Variants in DCSTAMP observed in about 807,000 individuals in gnomAD.
DCSTAMP encodes dendritic cell-specific transmembrane protein.
Under a neutral mutation model 33.8 loss-of-function variants are expected in DCSTAMP, and 25 were observed. That is an observed-to-expected ratio of 0.74 (90% CI 0.54 to 1.03). The LOEUF is 1.03. Among genes scored for constraint, DCSTAMP ranks in the 50% least tolerant of loss-of-function variants. DCSTAMP has a pLI of 0.00. For synonymous variants in DCSTAMP, 245 were observed against 216.7 expected (o/e 1.13, Z -1.15); for missense variants, 531 against 556.8 (o/e 0.95, Z 0.47).
chr8:104,354,055 C>T (rs59442949), intron 2 of DCSTAMP, among the ~76,000 whole-genome samples: 7,925 of 152,234 alleles, frequency 0.052, 332 homozygotes, highest in African/African-American at 0.12. Flanking sequence ...GGCTCAATGT[C>T]ATCTCCTGCC....
At chr8:104,345,433 C>T (rs1195147981) in intron 1 of DCSTAMP, among the ~76,000 whole-genome samples, 1 of 152,134 alleles carries the variant, frequency 6.6e-6, no homozygotes, top group Non-Finnish European at 1.5e-5. Context: ...AGAGAAGATA[C>T]CTTCAGTCCT....
intron 2 of DCSTAMP, among the ~76,000 whole-genome samples, chr8:104,354,258 A>G (rs2140478585): frequency 6.6e-6 from 1 of 152,320 alleles, no homozygotes; most frequent in Non-Finnish European, 1.5e-5. Context: ...AATATAGTAC[A>G]CTAAATAAGA....
chr8:104,354,293 G>T (rs1274415505), intron 2 of DCSTAMP, among the ~76,000 whole-genome samples: 1 of 152,228 alleles, frequency 6.6e-6, no homozygotes, highest in East Asian at 1.9e-4. Context: ...GCTCCAGAAG[G>T]TAGATGTAGA....
intron 3 of DCSTAMP, among the ~76,000 whole-genome samples, chr8:104,355,669 A>G (rs1440567598): frequency 1.3e-5 from 2 of 152,226 alleles, no homozygotes; most frequent in African/African-American, 4.8e-5. Flanking sequence ...TGACTCATAC[A>G]TAAAATGGAC....
chr8:104,349,466 G>T lies in DCSTAMP; in HGVS notation c.914G>T (p.Cys305Phe). 1 of 1,614,170 alleles carries T rather than the reference G, an allele frequency of 6.2e-7. No individual in the cohort carries two copies. Among genetic ancestry groups the T allele is most frequent in the Non-Finnish European group, 8.5e-7 (1 of 1,180,044 alleles). ...LFFLPILIHL[C>F]IWVLFAAVDY... is the part of the protein sequence containing the mutation. ...TTCCTCCCCATACTTATCCATCTCTGCATCTGGGTGCTGTTTGCAGCTGTA... is the reference window on the plus strand; with the variant it reads ...TTCCTCCCCATACTTATCCATCTCTTCATCTGGGTGCTGTTTGCAGCTGTA... The change falls in exon 2 of 4, where the codon TGC becomes TTC. Residue 305 changes from cysteine to phenylalanine, a missense_variant. Cys to Phe is a radical substitution (Grantham distance 205). Transcript: ENST00000297581.
intron 2 of DCSTAMP, among the ~76,000 whole-genome samples, chr8:104,352,170 G>C (rs1416999260): frequency 6.6e-6 from 1 of 152,024 alleles, no homozygotes; most frequent in Non-Finnish European, 1.5e-5. Flanking sequence ...CTCTCTCAGG[G>C]CCTTAAATCC....
At chr8:104,344,468 A>G (rs889864752) in intron 1 of DCSTAMP, among the ~76,000 whole-genome samples, 2 of 152,184 alleles carry the variant, frequency 1.3e-5, no homozygotes, top group African/African-American at 4.8e-5. Flanking sequence ...CAGCACGCCC[A>G]GCATCACAGA....
Position 104,354,980 on chromosome 8 carries a change from T to G in DCSTAMP, c.1133T>G (p.Val378Gly), listed in dbSNP as rs3802205. Residue 378 changes from valine (V) to glycine (G), a missense_variant, in exon 3 of 4, where the codon GTT becomes GGT. Val to Gly is a moderately radical substitution (Grantham distance 109). Coordinates refer to ENST00000297581, the MANE Select transcript of DCSTAMP (RefSeq NM_030788.4). ...KPKFLLSETW[V>G]PLSVILLILV... ...AAATTCCTTCTATCTGAGACCTGGG[T>G]TCCTCTCAGTGTTATTCTTTTGATA... 1.9e-6 allele frequency: 3 copies of G among 1,613,892 alleles called. No individual in the cohort carries two copies. The highest frequency in any genetic ancestry group is 1.6e-4 in the Middle Eastern group (1 of 6,062).
At chr8:104,350,942 C>A (rs1003009365) in intron 2 of DCSTAMP, among the ~76,000 whole-genome samples, 1 of 152,096 alleles carries the variant, frequency 6.6e-6, no homozygotes, top group Non-Finnish European at 1.5e-5. Context: ...GATTGAGAAC[C>A]CCTGTTCTAA....
chr8:104,356,197 G>A lies in DCSTAMP; in HGVS notation c.1412G>A (p.Ter471=). The A allele has an allele frequency of 1.2e-6, 2 of 1,611,414 alleles. No homozygotes were observed. Among genetic ancestry groups the A allele is most frequent in the Non-Finnish European group, 1.7e-6 (2 of 1,178,830 alleles). ...QMDMASADKS[*] ...GACATGGCAAGTGCAGACAAGTCAT[G>A]AGAGACCCCGACTACTCCTCAGCCA... The change falls in exon 4 of 4, where the codon TGA becomes TAA. Residue 471 remains the stop codon, a stop_retained_variant. Transcript: ENST00000297581.
chr8:104,348,614 C>T lies in DCSTAMP; in HGVS notation c.62C>T (p.Pro21Leu). The T allele has an allele frequency of 6.2e-7, 1 of 1,614,138 alleles. No homozygotes were observed. Among genetic ancestry groups the T allele is most frequent in the Non-Finnish European group, 8.5e-7 (1 of 1,180,030 alleles). ...AGTCTTTGGGAGATTTACGTGTCTC[C>T]AAGAAGCCCCGGATGGATGGACTTT... ...FLSLWEIYVSPRSPGWMDFIQ... is the reference protein window; with the variant it reads ...FLSLWEIYVSLRSPGWMDFIQ... The change falls in exon 2 of 4, where the codon CCA becomes CTA. Residue 21 changes from proline to leucine, a missense_variant. By Grantham distance (98) the Pro-to-Leu change is moderately conservative (BLOSUM62 -3). Transcript: ENST00000297581.
In DCSTAMP at chr8:104,349,328, G is replaced by C. The variant is rs745726484; in HGVS notation, c.776G>C (p.Arg259Thr). The change falls in exon 2 of 4, where the codon AGA becomes ACA. Residue 259 changes from arginine to threonine, a missense_variant. Arg to Thr is a moderately conservative substitution (Grantham distance 71). Transcript: ENST00000297581. ...TTTGTTCAGTTTGATGAAAGGGAGA[G>C]ACATCAACAGAGGCCCTGTGTGCTC... Reference protein sequence around the residue: ...RQFVQFDERERHQQRPCVLPL... With the variant: ...RQFVQFDERETHQQRPCVLPL... 1.9e-6 allele frequency: 3 copies of C among 1,614,182 alleles called. No homozygotes were observed. The highest frequency in any genetic ancestry group is 2.7e-5 in the African/African-American group (2 of 75,042).
chr8:104,348,958 A>T lies in DCSTAMP; in HGVS notation c.406A>T (p.Ile136Leu), dbSNP rs765141370. ...TCNLRAKSFS[I>L]HFPLLKKYIE... ...CAACCTAAGGGCAAAGAGCTTTTCC[A>T]TACATTTTCCACTTTTGAAAAAATA... The change falls in exon 2 of 4, where the codon ATA becomes TTA. Residue 136 changes from isoleucine to leucine, a missense_variant. Physicochemically the swap from Ile to Leu is conservative, Grantham distance 5. Transcript: ENST00000297581. 1 of 1,614,234 alleles carries T rather than the reference A, an allele frequency of 6.2e-7. No homozygotes were observed. The highest frequency in any genetic ancestry group is 8.5e-7 in the Non-Finnish European group (1 of 1,180,040).
At chr8:104,355,766 A>G (rs1810609474) in intron 3 of DCSTAMP, among the ~76,000 whole-genome samples, 1 of 152,232 alleles carries the variant, frequency 6.6e-6, no homozygotes, top group Non-Finnish European at 1.5e-5. Context: ...AATTCAAAGA[A>G]CACACATATA....
chr8:104,354,328 C>A (rs1810552234), intron 2 of DCSTAMP, among the ~76,000 whole-genome samples: 1 of 152,168 alleles, frequency 6.6e-6, no homozygotes, highest in South Asian at 2.1e-4. Flanking sequence ...CTCAACATCT[C>A]TGTGACCTTG....
intron 1 of DCSTAMP, among the ~76,000 whole-genome samples, chr8:104,342,831 G>A (rs908491569): frequency 6.6e-6 from 1 of 152,240 alleles, no homozygotes; most frequent in South Asian, 2.1e-4. Context: ...TGCGTCCGGG[G>A]TGCCCGAGTT....
chr8:104,353,777 A>C (rs1005137069), intron 2 of DCSTAMP, among the ~76,000 whole-genome samples: 1 of 152,230 alleles, frequency 6.6e-6, no homozygotes, highest in African/African-American at 2.4e-5. Flanking sequence ...CTTTTTGAGA[A>C]GTCATTTACC....
intron 2 of DCSTAMP, 144 bp downstream of exon 2, chr8:104,349,725 G>A (rs1235413689): frequency 3.3e-6 from 3 of 899,246 alleles, no homozygotes; most frequent in East Asian, 2.5e-5. Context: ...CACATAGAAG[G>A]AACCCAACAA....
chr8:104,346,370 T>C (rs1283486127), intron 1 of DCSTAMP, among the ~76,000 whole-genome samples: 2 of 152,228 alleles, frequency 1.3e-5, no homozygotes, highest in Non-Finnish European at 1.5e-5. Context: ...CCCGCAGTCC[T>C]CCTGCCTGTG....
Sources: allele counts gnomAD v4.1 joint callset (sites outside exome capture counted in the v4.1 genomes callset), GRCh38; gene constraint gnomAD v4.1.1; transcripts MANE v1.5; gene names NCBI Gene and HGNC (gene_info 2026-07-23, HGNC 2026-07-21).